FSIP2: variants seen among roughly 807,000 people sequenced by gnomAD.
FSIP2 encodes fibrous sheath interacting protein 2.
A neutral mutation model predicts 510.5 loss-of-function variants in FSIP2; 367 were observed. The ratio of observed to expected loss-of-function variants is 0.72; its 90% confidence interval spans 0.66 to 0.78. The LOEUF is 0.78. FSIP2 is among the 30% of genes least tolerant of loss of function. The pLI, the probability that FSIP2 is intolerant of heterozygous loss-of-function variation, is 0.00. For synonymous variants in FSIP2, 2,601 were observed against 2,732.2 expected, an observed-to-expected ratio of 0.95 and a Z score of 1.50; for missense variants, 7,594 against 7,901.7, an observed-to-expected ratio of 0.96 and a Z score of 1.48.
At position 185,789,322 on chromosome 2, in the gene FSIP2, T is replaced by C; in HGVS notation, c.2186T>C (p.Val729Ala). The change falls in exon 16 of 23, where the codon GTT (valine) becomes GCT (alanine). Residue 729 changes from valine (V) to alanine (A), a missense_variant. Coordinates refer to ENST00000424728, the MANE Select transcript of FSIP2 (RefSeq NM_173651.4). ...CAGGCCATTCCCTCTCTCTCTTCTG[T>C]TACTGCTGAAGTTTTTGTTGAACAA... Reference protein sequence around the residue: ...LTQAIPSLSSVTAEVFVEQCE... With the variant: ...LTQAIPSLSSATAEVFVEQCE... 6.5e-7 allele frequency: 1 copy of C among 1,534,900 alleles called. No homozygotes were observed. Among genetic ancestry groups the C allele is most frequent in the Non-Finnish European group, 8.7e-7 (1 of 1,145,998 alleles).
Position 185,799,836 on chromosome 2 carries a change from A to C in FSIP2, c.10530A>C (p.Leu3510Phe), listed in dbSNP as rs1693383451. The change falls in exon 17 of 23, where the codon TTA becomes TTC. Residue 3510 changes from leucine (L) to phenylalanine (F), a missense_variant. Transcript: ENST00000424728. ...EHLTESVLYH[L>F]TSSISDGTKK... ...TCACTGAGTCAGTACTTTACCATTT[A>C]ACTTCGAGCATTTCTGATGGCACCA... 6.5e-7 allele frequency: 1 copy of C among 1,532,464 alleles called. No individual in the cohort carries two copies. The highest frequency in any genetic ancestry group is 8.7e-7 in the Non-Finnish European group (1 of 1,144,494). 94.9% of individuals were successfully genotyped at this position (1,532,464 alleles called of 1,614,324 possible). A position where few individuals can be genotyped will look rare whatever the true frequency, so the allele number is the denominator to read the frequency against.
In FSIP2 at chr2:185,792,765, A is replaced by G; in HGVS notation, c.5629A>G (p.Asn1877Asp). ...NRYKTITFSA[N>D]VSSHEHTYKG... ...GTATAAAACTATCACTTTTTCAGCAAATGTTTCTTCTCATGAACACACCTA... is the reference window on the plus strand; with the variant it reads ...GTATAAAACTATCACTTTTTCAGCAGATGTTTCTTCTCATGAACACACCTA... Residue 1877 changes from asparagine to aspartate, a missense_variant, in exon 16 of 23, where the codon AAT becomes GAT. By Grantham distance (23) the Asn-to-Asp change is conservative. Coordinates refer to ENST00000424728, the MANE Select transcript of FSIP2 (RefSeq NM_173651.4). 10 of 1,534,260 alleles carry G rather than the reference A, an allele frequency of 6.5e-6. No individual in the cohort carries two copies. The highest frequency in any genetic ancestry group is 8.7e-6 in the Non-Finnish European group (10 of 1,145,666).
At chr2:185,764,618 A>G in intron 13 of FSIP2, 53 bp downstream of exon 13, 1 of 1,236,654 alleles carries the variant, frequency 8.1e-7, no homozygotes, top group Non-Finnish European at 1.1e-6. Flanking sequence ...TTATTCTTTC[A>G]ACTGACATTT....
At chr2:185,829,561 T>C (rs1376640055) in intron 21 of FSIP2, among the ~76,000 whole-genome samples, 1 of 151,998 alleles carries the variant, frequency 6.6e-6, no homozygotes, top group Non-Finnish European at 1.5e-5. Context: ...ATGGAGAATC[T>C]GGGGAGAATC....
rs749644784 is a variant in FSIP2 at position 185,808,823 on chromosome 2, A to C, written c.19517A>C (p.Glu6506Ala). 3.7e-6 allele frequency: 6 copies of C among 1,612,662 alleles called. No individual in the cohort carries two copies. Among genetic ancestry groups the C allele is most frequent in the Middle Eastern group, 3.3e-4 (2 of 6,068 alleles). Residue 6506 changes from glutamate (E) to alanine (A), a missense_variant, in exon 17 of 23, where the codon GAA becomes GCA. By Grantham distance (107) the Glu-to-Ala change is moderately radical. Coordinates refer to ENST00000424728, the MANE Select transcript of FSIP2 (RefSeq NM_173651.4). ...AFNVIPELEQ[E>A]KLDQNLSEEE... is the part of the protein sequence containing the mutation. Reference sequence around the variant, plus strand: ...AATGTGATTCCTGAATTAGAGCAAGAAAAGTTAGATCAAAATTTATCTGAA... The same window carrying C: ...AATGTGATTCCTGAATTAGAGCAAGCAAAGTTAGATCAAAATTTATCTGAA...
At chr2:185,774,670 T>C (rs931745285) in intron 13 of FSIP2, among the ~76,000 whole-genome samples, 1 of 144,496 alleles carries the variant, frequency 6.9e-6, no homozygotes, top group Admixed American at 6.9e-5. Context: ...CATGCTGGTG[T>C]GCTGCACCCA....
intron 19 of FSIP2, 43 bp downstream of exon 19, chr2:185,815,514 G>T: frequency 1.0e-6 from 1 of 961,704 alleles, no homozygotes; most frequent in Non-Finnish European, 1.6e-6. Context: ...ATCTGATAAA[G>T]TAGAGCTTAT....
At position 185,800,691 on chromosome 2, in the gene FSIP2, A is replaced by C; in HGVS notation, c.11385A>C (p.Gln3795His). 1 of 1,534,202 alleles carries C rather than the reference A, an allele frequency of 6.5e-7. No homozygotes were observed. The highest frequency in any genetic ancestry group is 1.2e-5 in the South Asian group (1 of 83,952). ...AATGTCAACTTTTAAAAATGCTTCA[A>C]AGTGTAGAAGATGGAAAATCTGATT... ...AEECQLLKML[Q>H]SVEDGKSDYR... is the part of the protein sequence containing the mutation. The change falls in exon 17 of 23, where the codon CAA becomes CAC. Residue 3795 changes from glutamine to histidine, a missense_variant. Physicochemically the swap from Gln to His is conservative, Grantham distance 24. Transcript: ENST00000424728.
intron 19 of FSIP2, among the ~76,000 whole-genome samples, chr2:185,817,975 T>G (rs568498674): frequency 1.3e-5 from 2 of 152,038 alleles, no homozygotes; most frequent in African/African-American, 4.8e-5. Flanking sequence ...CCGAAATAAC[T>G]AAAAGAGAAG....
Position 185,781,443 on chromosome 2 carries a change from G to T in FSIP2, c.1412-1262G>T, listed in dbSNP as rs185158242. 2.7e-3 allele frequency among the ~76,000 whole-genome samples: 415 copies of T among 152,246 alleles called. 5 individuals carry two copies. The highest frequency in any genetic ancestry group is 8.7e-3 in the East Asian group (45 of 5,166). ...TTAACATATTTTCAGCTTATGATGG[G>T]TTTATTGTGATATGAACCCCACTGT... is the stretch of plus-strand genomic sequence containing the variant. On this transcript the variant is annotated intron_variant, in intron 13 of 22. Coordinates refer to ENST00000424728, the MANE Select transcript of FSIP2 (RefSeq NM_173651.4).
Position 185,828,976 on chromosome 2 carries a change from G to T in FSIP2, c.20517+777G>T, listed in dbSNP as rs573966771. Reference sequence around the variant, plus strand: ...TACACTTAAGATATATTTTTTAAATGTTCAAAGATAATGGATTTGTCACCC... The same window carrying T: ...TACACTTAAGATATATTTTTTAAATTTTCAAAGATAATGGATTTGTCACCC... On this transcript the variant is annotated intron_variant, in intron 21 of 22. Transcript: ENST00000424728. Among the ~76,000 whole-genome samples, 3 of 151,908 alleles carry T rather than the reference G, an allele frequency of 2.0e-5. No homozygotes were observed. In the South Asian group the frequency reaches 6.2e-4, roughly 32 times the overall value.
rs1455046246 is a variant in FSIP2, at chr2:185,790,331, T to C, written c.3195T>C (p.Asp1065=). The C allele has an allele frequency of 2.0e-6, 3 of 1,533,656 alleles. No homozygotes were observed. Among genetic ancestry groups the C allele is most frequent in the Non-Finnish European group, 2.6e-6 (3 of 1,145,430 alleles). The change falls in exon 16 of 23, where the codon GAT becomes GAC. Residue 1065 remains aspartate, a synonymous_variant. Coordinates refer to ENST00000424728, the MANE Select transcript of FSIP2 (RefSeq NM_173651.4). ...PGSRSKAAFH[D]WELKTEPPST... is the part of the protein sequence containing the mutation. ...CTAGAAGCAAAGCTGCATTTCATGA[T>C]TGGGAATTAAAGACTGAGCCACCAT...
Position 185,801,671 on chromosome 2 carries a change from C to A in FSIP2, c.12365C>A (p.Thr4122Lys), listed in dbSNP as rs931985948. 1.3e-6 allele frequency: 2 copies of A among 1,527,112 alleles called. No individual in the cohort carries two copies. Among genetic ancestry groups the A allele is most frequent in the South Asian group, 2.4e-5 (2 of 82,694 alleles). 94.6% of individuals were successfully genotyped at this position (1,527,112 alleles called of 1,614,324 possible). ...IILQKLQSNL[T>K]EFTSLPRSSS... is the part of the protein sequence containing the mutation. ...TTGCAAAAGCTTCAAAGTAACCTAA[C>A]AGAATTTACTTCTCTACCCAGGTCT... Residue 4122 changes from threonine to lysine, a missense_variant, in exon 17 of 23, where the codon ACA becomes AAA. Thr to Lys is a moderately conservative substitution (Grantham distance 78, BLOSUM62 -1). Coordinates refer to ENST00000424728, the MANE Select transcript of FSIP2 (RefSeq NM_173651.4).
At chr2:185,809,300 C>T (rs1161600092) in intron 17 of FSIP2, among the ~76,000 whole-genome samples, 167 bp downstream of exon 17, 2 of 152,070 alleles carry the variant, frequency 1.3e-5, no homozygotes, top group African/African-American at 4.8e-5. Flanking sequence ...ATATTATTTA[C>T]TAGGATTTGT....
At chr2:185,752,862 C>T (rs1354287379) in intron 7 of FSIP2, among the ~76,000 whole-genome samples, 1 of 151,278 alleles carries the variant, frequency 6.6e-6, no homozygotes, top group Non-Finnish European at 1.5e-5. Flanking sequence ...TGATTGGATG[C>T]CAGACATGAA....
chr2:185,795,156 C>T lies in FSIP2; in HGVS notation c.8020C>T (p.Pro2674Ser). 6.5e-7 allele frequency: 1 copy of T among 1,534,738 alleles called. No homozygotes were observed. Among genetic ancestry groups the T allele is most frequent in the Non-Finnish European group, 8.7e-7 (1 of 1,146,106 alleles). Residue 2674 changes from proline (P) to serine (S), a missense_variant, in exon 16 of 23, where the codon CCT (proline) becomes TCT (serine). By Grantham distance (74) the Pro-to-Ser change is moderately conservative. Coordinates refer to ENST00000424728, the MANE Select transcript of FSIP2 (RefSeq NM_173651.4). ...AACAAGATCAAAAATTACCACTTTG[C>T]CTAAATTTACAAAAAAAACACACTT... ...LKTRSKITTLPKFTKKTHLGL... is the reference protein window; with the variant it reads ...LKTRSKITTLSKFTKKTHLGL...
Position 185,797,177 on chromosome 2 carries a change from A to C in FSIP2, c.10041A>C (p.Pro3347=). 6.5e-7 allele frequency: 1 copy of C among 1,535,038 alleles called. No homozygotes were observed. Among genetic ancestry groups the C allele is most frequent in the African/African-American group, 1.4e-5 (1 of 73,052 alleles). Residue 3347 remains proline, a synonymous_variant, in exon 16 of 23, where the codon CCA becomes CCC. Coordinates refer to ENST00000424728, the MANE Select transcript of FSIP2 (RefSeq NM_173651.4). The part of the protein sequence containing the change: ...VLSSCGFPSQ[P]HTNENREIMK... ...CCAGCTGTGGCTTTCCAAGTCAACC[A>C]CACACTAATGAGAACAGGGAAATAA...
At chr2:185,762,895 G>C (rs925819158) in intron 11 of FSIP2, among the ~76,000 whole-genome samples, 1 of 151,418 alleles carries the variant, frequency 6.6e-6, no homozygotes, top group Admixed American at 6.6e-5. Flanking sequence ...CTAGCGGTAG[G>C]CTGTGGTTAT....
chr2:185,805,584 C>T lies in FSIP2; in HGVS notation c.16278C>T (p.Thr5426=), dbSNP rs1321163039. 1.2e-6 allele frequency: 2 copies of T among 1,609,698 alleles called. No homozygotes were observed. The highest frequency in any genetic ancestry group is 2.7e-5 in the African/African-American group (2 of 74,698). The change falls in exon 17 of 23, where the codon ACC becomes ACT. Residue 5426 remains threonine, a synonymous_variant. Transcript: ENST00000424728. The part of the protein sequence containing the change: ...TQRVQHLPQN[T]FTQISRCAKE... ...GGGTTCAACACCTACCACAAAACAC[C>T]TTTACACAAATAAGCAGATGTGCAA...
Sources: gnomAD v4.1 joint callset for allele counts (sites outside exome capture counted in the v4.1 genomes callset) on GRCh38, gnomAD v4.1.1 for gene constraint, MANE v1.5 for transcripts, NCBI Gene and HGNC (gene_info 2026-07-23, HGNC 2026-07-21) for gene names.